LARGE1: variants seen among roughly 807,000 people sequenced by gnomAD.
LARGE1 encodes LARGE xylosyl- and glucuronyltransferase 1.
Under a neutral mutation model 87.6 loss-of-function variants are expected in LARGE1, and 43 were observed. The ratio of observed to expected loss-of-function variants is 0.49; its 90% CI spans 0.38 to 0.63. LARGE1 has a LOEUF of 0.63. Ranked by LOEUF, LARGE1 falls within the 30% of genes least tolerant of loss-of-function variation. The pLI, the probability that LARGE1 is intolerant of heterozygous loss-of-function variation, is 0.00. For synonymous variants in LARGE1, 434 were observed against 394.6 expected (o/e 1.10, Z -1.18); for missense variants, 802 against 1,000.2 (o/e 0.80, Z 2.67).
chr22:33,802,807 T>C (rs2086199688), intron 1 of LARGE1, among the ~76,000 whole-genome samples: 1 of 152,088 alleles, frequency 6.6e-6, no homozygotes, highest in East Asian at 1.9e-4. Flanking sequence ...TACGGATTCA[T>C]TAGTCATCTC....
At chr22:33,416,969 T>A (rs1389540093) in intron 7 of LARGE1, among the ~76,000 whole-genome samples, 1 of 140,644 alleles carries the variant, frequency 7.1e-6, no homozygotes. Flanking sequence ...TGCAGTGGTG[T>A]GATCTCAGCT....
chr22:33,080,562 A>T, the LARGE1 span, among the ~76,000 whole-genome samples: 1 of 152,204 alleles, frequency 6.6e-6, no homozygotes, highest in Non-Finnish European at 1.5e-5. Context: ...TGATATCCAG[A>T]CCTAACTTCA....
chr22:33,667,322 A>T (rs1352509584), intron 2 of LARGE1, among the ~76,000 whole-genome samples: 2 of 152,224 alleles, frequency 1.3e-5, no homozygotes, highest in East Asian at 3.8e-4. Flanking sequence ...AACAGCATCA[A>T]ATTCTAAGTA....
rs116766073 is a variant in LARGE1 at position 33,513,453 on chromosome 22, G to T, written c.787+51395C>A. The stretch of plus-strand genomic sequence containing the variant: ...CAAACACTTTTTGGTTCCTGTTCCA[G>T]ACTGTTATATGGCCAGGGTCCTGAA... On this transcript the variant is annotated intron_variant, in intron 6 of 14. Transcript: ENST00000397394. Among the ~76,000 whole-genome samples the T allele has an allele frequency of 8.3e-3, 1,268 of 152,230 alleles. 19 individuals are homozygous for T. Among genetic ancestry groups the T allele is most frequent in the African/African-American group, 0.029 (1,221 of 41,540 alleles).
chr22:33,254,001 G>C (rs1379316457), intron 11 of LARGE1, among the ~76,000 whole-genome samples: 5 of 151,532 alleles, frequency 3.3e-5, no homozygotes, highest in East Asian at 1.9e-4. Context: ...GCAAGGTTTG[G>C]TTATGTGACC....
intron 2 of LARGE1, among the ~76,000 whole-genome samples, chr22:33,701,966 AT>A (rs1300187522): frequency 2.0e-5 from 3 of 151,982 alleles, no homozygotes; most frequent in African/African-American, 7.3e-5. Context: ...GTGTCTTGCG[AT>A]TTTGCTAGTT....
At chr22:33,784,063 G>A (rs2085519302) in intron 1 of LARGE1, among the ~76,000 whole-genome samples, 1 of 152,068 alleles carries the variant, frequency 6.6e-6, no homozygotes, top group African/African-American at 2.4e-5. Flanking sequence ...ATCCTTCAGA[G>A]ACCTCCTCTT....
At chr22:33,748,790 T>C (rs976012764) in intron 2 of LARGE1, among the ~76,000 whole-genome samples, 17 of 152,258 alleles carry the variant, frequency 1.1e-4, no homozygotes, top group Admixed American at 6.5e-5. Context: ...ACATGGCCAA[T>C]GCATTCACAA....
intron 1 of LARGE1, among the ~76,000 whole-genome samples, chr22:33,858,575 G>A (rs2063824428): frequency 1.3e-5 from 2 of 152,118 alleles, no homozygotes; most frequent in Admixed American, 6.6e-5. Flanking sequence ...TGATTGGTCG[G>A]GTGTGAGCTA....
Position 33,283,197 on chromosome 22 carries a change from C to T in LARGE1, c.1877+5G>A. On this transcript the variant is annotated splice_donor_5th_base_variant and intron_variant, in intron 13 of 14. Coordinates refer to ENST00000397394, the MANE Select transcript of LARGE1 (RefSeq NM_133642.5). ...CCCCAGAGTACAGCAGCTAGAGCCA[C>T]TCACCTGAATGTGAAGAGGGTCCCC... 4.3e-6 allele frequency: 7 copies of T among 1,614,122 alleles called. No individual in the cohort carries two copies. The highest frequency in any genetic ancestry group is 5.9e-6 in the Non-Finnish European group (7 of 1,180,044).
At chr22:33,131,887 G>T in the LARGE1 span, among the ~76,000 whole-genome samples, 48,126 of 151,808 alleles carry the variant, frequency 0.32, 7,912 homozygotes, top group South Asian at 0.45. Context: ...TTGGACTCAC[G>T]GTTCCATATA....
chr22:33,323,258 T>C (rs1936925693), intron 10 of LARGE1, among the ~76,000 whole-genome samples: 1 of 152,246 alleles, frequency 6.6e-6, no homozygotes, highest in Admixed American at 6.5e-5. Flanking sequence ...TGAACTTGCA[T>C]GTTCATTTCT....
intron 6 of LARGE1, among the ~76,000 whole-genome samples, chr22:33,443,731 A>C (rs1283258953): frequency 6.6e-6 from 1 of 152,224 alleles, no homozygotes; most frequent in Non-Finnish European, 1.5e-5. Context: ...ACAGTTTAAG[A>C]CTTCAGTTCA....
chr22:33,905,295 T>A (rs2065413160), intron 1 of LARGE1, among the ~76,000 whole-genome samples: 1 of 151,948 alleles, frequency 6.6e-6, no homozygotes. Flanking sequence ...TCTCGAACTC[T>A]TAGGCTCAAG....
chr22:33,568,024 T>A (rs915371286), intron 5 of LARGE1, among the ~76,000 whole-genome samples: 4 of 152,136 alleles, frequency 2.6e-5, no homozygotes, highest in Non-Finnish European at 5.9e-5. Flanking sequence ...TTAATCTAAG[T>A]ATATGCAGAA....
At chr22:33,346,342 A>C (rs1601536124) in intron 9 of LARGE1, among the ~76,000 whole-genome samples, 1 of 141,562 alleles carries the variant, frequency 7.1e-6, no homozygotes. Flanking sequence ...CAATCTTGTC[A>C]CCCAGGCTGG....
chr22:33,660,438 C>G (rs770597626), intron 2 of LARGE1, among the ~76,000 whole-genome samples: 2 of 152,072 alleles, frequency 1.3e-5, no homozygotes, highest in Non-Finnish European at 2.9e-5. Context: ...AGATATTCAC[C>G]GCAAATCCTG....
At chr22:33,823,513 G>C (rs918609769) in intron 1 of LARGE1, among the ~76,000 whole-genome samples, 2 of 152,194 alleles carry the variant, frequency 1.3e-5, no homozygotes, top group Middle Eastern at 3.2e-3. Context: ...CATGGAACTT[G>C]TAACTGGAAA....
At position 33,846,284 on chromosome 22, in the gene LARGE1, G is replaced by C. The variant is rs558270253; in HGVS notation, c.-83+73711C>G. 4.6e-5 allele frequency among the ~76,000 whole-genome samples: 7 copies of C among 152,346 alleles called. No individual in the cohort carries two copies. In the East Asian group the frequency reaches 1.2e-3, roughly 25 times the overall value. On this transcript the variant is annotated intron_variant, in intron 1 of 14. Transcript: ENST00000397394. ...AATACTTTTATAATTTCTTATGCCT[G>C]TCTTTACTGCAATCTCTAAACATAA...
Sources: gnomAD v4.1 joint callset for allele counts (sites outside exome capture counted in the v4.1 genomes callset) on GRCh38, gnomAD v4.1.1 for gene constraint, MANE v1.5 for transcripts, NCBI Gene and HGNC (gene_info 2026-07-23, HGNC 2026-07-21) for gene names.